ZC3H12D: variants seen among roughly 807,000 people sequenced by gnomAD.
ZC3H12D encodes the protein zinc finger CCCH-type containing 12D, also known as probable ribonuclease ZC3H12D.
A neutral mutation model predicts 24.2 loss-of-function variants in ZC3H12D; 11 were observed. The ratio of observed to expected loss-of-function variants is 0.46; its 90% CI spans 0.29 to 0.75. The LOEUF (loss-of-function observed/expected upper bound fraction) is 0.75, where lower values mean the gene tolerates loss of function less well. Ranked by LOEUF, ZC3H12D falls within the 30% of genes least tolerant of loss-of-function variation. ZC3H12D has a pLI of 0.11. For synonymous variants in ZC3H12D, 333 were observed against 341.8 expected (o/e 0.97, Z 0.28); for missense variants, 740 against 767.7 (o/e 0.96, Z 0.43).
At chr6:149,469,309 T>A (rs1198561743) in intron 2 of ZC3H12D, among the ~76,000 whole-genome samples, 1 of 152,058 alleles carries the variant, frequency 6.6e-6, no homozygotes, top group Non-Finnish European at 1.5e-5. Flanking sequence ...TACAAAAAAA[T>A]TAGCTGGACG....
chr6:149,479,649 C>T (rs928741630), intron 1 of ZC3H12D, among the ~76,000 whole-genome samples: 1 of 152,142 alleles, frequency 6.6e-6, no homozygotes, highest in African/African-American at 2.4e-5. Context: ...TGACCTATTG[C>T]CTCAGAATCA....
intron 2 of ZC3H12D, among the ~76,000 whole-genome samples, chr6:149,468,699 G>A (rs1776198901): frequency 6.6e-6 from 1 of 152,134 alleles, no homozygotes; most frequent in Non-Finnish European, 1.5e-5. Flanking sequence ...GGGAGCTTTC[G>A]CCTTACAAGA....
intron 1 of ZC3H12D, among the ~76,000 whole-genome samples, chr6:149,481,691 T>C (rs925808290): frequency 2.0e-5 from 3 of 151,900 alleles, no homozygotes; most frequent in African/African-American, 4.8e-5. Context: ...AGCCTTTGTA[T>C]CCAAGGCCTT....
intron 1 of ZC3H12D, among the ~76,000 whole-genome samples, chr6:149,478,409 GGAAAATAAAGTTA>G (rs1776375089): frequency 6.6e-6 from 1 of 150,784 alleles, no homozygotes; most frequent in Admixed American, 6.6e-5. Flanking sequence ...TTTTTGTTTT[GGAAAATAAAGTTA>G]TTTTTCATGA....
intron 2 of ZC3H12D, among the ~76,000 whole-genome samples, chr6:149,462,502 T>G (rs903026859): frequency 6.6e-6 from 1 of 152,242 alleles, no homozygotes; most frequent in African/African-American, 2.4e-5. Context: ...GTGATAGGTA[T>G]GTAGAGGGTC....
chr6:149,465,864 C>G (rs1583188718), intron 2 of ZC3H12D, among the ~76,000 whole-genome samples: 1 of 152,032 alleles, frequency 6.6e-6, no homozygotes, highest in Non-Finnish European at 1.5e-5. Flanking sequence ...CACCCCACCC[C>G]CCAATTCCAG....
At chr6:149,477,369 A>C (rs1010925509) in intron 1 of ZC3H12D, among the ~76,000 whole-genome samples, 2 of 152,260 alleles carry the variant, frequency 1.3e-5, no homozygotes, top group Non-Finnish European at 2.9e-5. Context: ...CACCACGTGA[A>C]ACAATGAAAC....
At chr6:149,475,585 G>A (rs751039006) in intron 1 of ZC3H12D, among the ~76,000 whole-genome samples, 5 of 151,926 alleles carry the variant, frequency 3.3e-5, no homozygotes, top group East Asian at 3.9e-4. Flanking sequence ...GCATGGTGGC[G>A]CACGCCTGTA....
intron 2 of ZC3H12D, 137 bp from the exon 3 acceptor site, chr6:149,462,107 C>T: frequency 9.0e-7 from 1 of 1,106,508 alleles, no homozygotes; most frequent in Non-Finnish European, 1.2e-6. Flanking sequence ...GGAGTGGTGG[C>T]TCATGCCTGT....
chr6:149,452,741 G>A lies in ZC3H12D; in HGVS notation c.681-19C>T, dbSNP rs1197795104. 2 of 1,574,088 alleles carry A rather than the reference G, an allele frequency of 1.3e-6. No homozygotes were observed. The highest frequency in any genetic ancestry group is 1.8e-5 in the Admixed American group (1 of 55,188). ...CATGAACCTGGAAAATAAGCACAGG[G>A]GCAACTGCAAGACCACCTGGGATTT... On this transcript the variant is annotated intron_variant, in intron 4 of 5. Transcript: ENST00000409806. This position sits in a 1 kb window ranked among gnomAD's most constrained non-coding sequence, Gnocchi z 4.0.
intron 1 of ZC3H12D, among the ~76,000 whole-genome samples, chr6:149,480,605 G>C (rs1024644414): frequency 2.6e-5 from 4 of 152,142 alleles, no homozygotes; most frequent in African/African-American, 7.2e-5. Flanking sequence ...GCGTGGTGGC[G>C]CATGCCTTTA....
Position 149,460,386 on chromosome 6 carries a change from A to T in ZC3H12D, c.445+1445T>A, listed in dbSNP as rs142912316. Among the ~76,000 whole-genome samples, 81 of 152,242 alleles carry T rather than the reference A, an allele frequency of 5.3e-4. No homozygotes were observed. The East Asian group carries it at 0.014, about 25-fold the overall frequency. ...TATAAGAAGCCAAACAACAAACAAG[A>T]CCCTGTTTGTTTAAACCACAGTGTT... On this transcript the variant is annotated intron_variant, in intron 3 of 5. Transcript: ENST00000409806.
intron 4 of ZC3H12D, among the ~76,000 whole-genome samples, chr6:149,454,165 T>G (rs1029196581): frequency 1.3e-5 from 2 of 152,214 alleles, no homozygotes; most frequent in African/African-American, 2.4e-5. Context: ...TGATCTGCCC[T>G]TCTCTCCTCC....
chr6:149,466,339 G>A (rs886761373), intron 2 of ZC3H12D, among the ~76,000 whole-genome samples: 2 of 150,894 alleles, frequency 1.3e-5, no homozygotes, highest in African/African-American at 2.4e-5. Flanking sequence ...CAGAAGAAAC[G>A]GAGGCCCCAC....
At position 149,467,586 on chromosome 6, in the gene ZC3H12D, C is replaced by G. The variant is rs756212836; in HGVS notation, c.306-5616G>C. Among the ~76,000 whole-genome samples, 10 of 152,146 alleles carry G rather than the reference C, an allele frequency of 6.6e-5. No individual in the cohort carries two copies. The South Asian group carries it at 2.1e-3, about 31-fold the overall frequency. On this transcript the variant is annotated intron_variant, in intron 2 of 5. Transcript: ENST00000409806. ...TCATTTTTAAGATCTGTAGAGGGTTCTGTCTGCCAGGGCACTTTGCACGTT... is the reference window on the plus strand; with the variant it reads ...TCATTTTTAAGATCTGTAGAGGGTTGTGTCTGCCAGGGCACTTTGCACGTT...
chr6:149,456,637 C>CCCCGGGTGA lies in ZC3H12D; in HGVS notation c.680+28_680+29insTCACCCGGG. 3 of 1,554,912 alleles carry CCCCGGGTGA rather than the reference C, an allele frequency of 1.9e-6. No individual in the cohort carries two copies. Among genetic ancestry groups the CCCCGGGTGA allele is most frequent in the Middle Eastern group, 1.7e-4 (1 of 5,840 alleles). On this transcript the variant is annotated intron_variant, in intron 4 of 5. Coordinates refer to ENST00000409806, the MANE Select transcript of ZC3H12D (RefSeq NM_207360.3). This position sits in a 1 kb window ranked among gnomAD's most constrained non-coding sequence, Gnocchi z 4.3. Reference sequence around the variant, plus strand: ...CCCGGCCCCCCGCCCCGCCGCCCCCCAGGGTGTCAGGACCCCAGCCGGACC... The same window carrying CCCCGGGTGA: ...CCCGGCCCCCCGCCCCGCCGCCCCCCCCCGGGTGAAGGGTGTCAGGACCCCAGCCGGACC...
At position 149,452,698 on chromosome 6, in the gene ZC3H12D, C is replaced by G. The variant is rs905591313; in HGVS notation, c.705G>C (p.Leu235=). 13 of 1,607,236 alleles carry G rather than the reference C, an allele frequency of 8.1e-6. No homozygotes were observed. The highest frequency in any genetic ancestry group is 1.1e-5 in the Non-Finnish European group (13 of 1,177,688). Residue 235 remains leucine, a synonymous_variant, in exon 5 of 6, where the codon CTG becomes CTC. Transcript: ENST00000409806. This position sits in a 1 kb window ranked among gnomAD's most constrained non-coding sequence, Gnocchi z 4.0. ...TGCTCAGGGAGGGTCCATGGCGGCC[C>G]AGGGGGTCATCAGGCGGCATGAACC... The part of the protein sequence containing the change: ...NDRFMPPDDP[L]GRHGPSLSNF...
intron 1 of ZC3H12D, among the ~76,000 whole-genome samples, chr6:149,476,467 G>A (rs1776342430): frequency 6.6e-6 from 1 of 151,938 alleles, no homozygotes. Flanking sequence ...TCGTGCTACT[G>A]CACTCCAGCC....
chr6:149,466,753 G>A (rs761487096), intron 2 of ZC3H12D, among the ~76,000 whole-genome samples: 1 of 152,078 alleles, frequency 6.6e-6, no homozygotes, highest in African/African-American at 2.4e-5. Context: ...GCGCATGCCT[G>A]TAATCCCAGT....
Sources: allele counts gnomAD v4.1 joint callset (sites outside exome capture counted in the v4.1 genomes callset), GRCh38; gene constraint gnomAD v4.1.1; non-coding constraint Gnocchi (gnomAD v3.1); transcripts MANE v1.5; gene names NCBI Gene and HGNC (gene_info 2026-07-23, HGNC 2026-07-21).